Variants in FHIT observed in about 807,000 individuals in gnomAD.
FHIT encodes bis(5'-adenosyl)-triphosphatase.
FHIT carries 19 observed loss-of-function variants against 17.9 expected under a neutral mutation model. The ratio of observed to expected loss-of-function variants is 1.06; its 90% CI spans 0.74 to 1.56. The LOEUF is 1.56. Among genes scored for constraint, FHIT ranks in the 40% most tolerant of loss-of-function variants. The pLI is 0.00. For synonymous variants in FHIT, 81 were observed against 69.7 expected (o/e 1.16, Z -0.81); for missense variants, 248 against 189.2 (o/e 1.31, Z -1.82).
At chr3:59,858,339 G>A (rs940878499) in intron 8 of FHIT, among the ~76,000 whole-genome samples, 1 of 136,534 alleles carries the variant, frequency 7.3e-6, no homozygotes, top group African/African-American at 2.8e-5. Flanking sequence ...TGATTCTCTT[G>A]CCTCAGCCTC....
At chr3:60,932,164 G>T (rs1707987999) in intron 3 of FHIT, among the ~76,000 whole-genome samples, 1 of 152,190 alleles carries the variant, frequency 6.6e-6, no homozygotes, top group African/African-American at 2.4e-5. Flanking sequence ...AAAAACCATT[G>T]TGCTAAGTGC....
intron 5 of FHIT, among the ~76,000 whole-genome samples, chr3:60,174,577 A>G (rs1701581293): frequency 4.6e-5 from 7 of 152,186 alleles, no homozygotes; most frequent in African/African-American, 1.4e-4. Flanking sequence ...GGCCAAAATC[A>G]CATGGCTAAT....
intron 5 of FHIT, among the ~76,000 whole-genome samples, chr3:60,462,131 C>G (rs2032512260): frequency 6.6e-6 from 1 of 152,122 alleles, no homozygotes; most frequent in South Asian, 2.1e-4. Context: ...AGTTATAGCC[C>G]TTGTCTGCCT....
At chr3:60,220,254 C>T (rs1703901737) in intron 5 of FHIT, among the ~76,000 whole-genome samples, 1 of 152,014 alleles carries the variant, frequency 6.6e-6, no homozygotes, top group South Asian at 2.1e-4. Context: ...ATTCAGGTGT[C>T]AAAAATCAGA....
At chr3:61,060,322 T>C (rs1002897166) in intron 2 of FHIT, among the ~76,000 whole-genome samples, 1 of 152,244 alleles carries the variant, frequency 6.6e-6, no homozygotes, top group Non-Finnish European at 1.5e-5. Context: ...CTTTGCTTTA[T>C]GTCCCAGTTT....
In FHIT at chr3:61,022,302, C is replaced by T. The variant is rs755316206; in HGVS notation, c.-111+19745G>A. Among the ~76,000 whole-genome samples the T allele has an allele frequency of 7.2e-5, 11 of 152,252 alleles. No homozygotes were observed. The South Asian group carries it at 1.0e-3, about 14-fold the overall frequency. On this transcript the variant is annotated intron_variant, in intron 3 of 9. Transcript: ENST00000492590. ...TCCCAAGACTAAACCAGGAAGAAGTCGAATCCCTGAAGAGACCAATAACAA... is the reference window on the plus strand; with the variant it reads ...TCCCAAGACTAAACCAGGAAGAAGTTGAATCCCTGAAGAGACCAATAACAA...
At chr3:60,009,951 C>G (rs549010498) in intron 7 of FHIT, among the ~76,000 whole-genome samples, 1 of 152,316 alleles carries the variant, frequency 6.6e-6, no homozygotes, top group East Asian at 1.9e-4. Flanking sequence ...GCTATGCTTA[C>G]TATGCACCTA....
chr3:60,707,966 A>G (rs1553703958), intron 4 of FHIT, among the ~76,000 whole-genome samples: 2 of 152,200 alleles, frequency 1.3e-5, no homozygotes, highest in Admixed American at 1.3e-4. Flanking sequence ...TGAATACGCT[A>G]TAGTTTTCAA....
At chr3:60,249,929 A>G (rs1705608985) in intron 5 of FHIT, among the ~76,000 whole-genome samples, 2 of 152,106 alleles carry the variant, frequency 1.3e-5, no homozygotes, top group Admixed American at 1.3e-4. Context: ...GCCTGTACAG[A>G]GAAACTCCTG....
intron 8 of FHIT, among the ~76,000 whole-genome samples, chr3:59,887,556 G>A (rs1178895565): frequency 6.6e-6 from 1 of 152,202 alleles, no homozygotes; most frequent in African/African-American, 2.4e-5. Context: ...CTAATTAGCA[G>A]TCATAAAAAC....
chr3:60,470,387 G>A (rs1401846345), intron 5 of FHIT, among the ~76,000 whole-genome samples: 1 of 152,016 alleles, frequency 6.6e-6, no homozygotes, highest in Non-Finnish European at 1.5e-5. Context: ...TCTACTTGGT[G>A]CTCTATTCTA....
At chr3:59,845,231 C>A (rs1427671514) in intron 8 of FHIT, among the ~76,000 whole-genome samples, 1 of 151,944 alleles carries the variant, frequency 6.6e-6, no homozygotes, top group African/African-American at 2.4e-5. Context: ...TCAAAAATCA[C>A]TTTTTCCCCT....
intron 9 of FHIT, chr3:59,750,437 C>T (rs894152867): frequency 1.3e-5 from 3 of 224,108 alleles, no homozygotes; most frequent in African/African-American, 6.7e-5. Context: ...ATAAGAGGAA[C>T]AGAAAGAGGT....
intron 5 of FHIT, among the ~76,000 whole-genome samples, chr3:60,141,384 T>TAA (rs34364126): frequency 8.6e-5 from 11 of 128,096 alleles, no homozygotes; most frequent in Admixed American, 1.6e-4. Context: ...TGATGCCCAT[T>TAA]AAAAAAAAAA....
At chr3:60,906,415 T>A (rs970886292) in intron 3 of FHIT, among the ~76,000 whole-genome samples, 2 of 152,238 alleles carry the variant, frequency 1.3e-5, no homozygotes, top group African/African-American at 2.4e-5. Flanking sequence ...TGTCTACTTA[T>A]CTACCTATCT....
At chr3:59,928,642 A>G (rs1705792752) in intron 7 of FHIT, among the ~76,000 whole-genome samples, 1 of 152,250 alleles carries the variant, frequency 6.6e-6, no homozygotes, top group Non-Finnish European at 1.5e-5. Context: ...GATGCTCAAC[A>G]TCCTTAGCCC....
chr3:60,556,637 C>T (rs2036748737), intron 4 of FHIT, among the ~76,000 whole-genome samples: 1 of 152,226 alleles, frequency 6.6e-6, no homozygotes, highest in African/African-American at 2.4e-5. Context: ...AAGCTCTTCT[C>T]AGTACAAGTG....
At chr3:60,262,411 A>C (rs1706349334) in intron 5 of FHIT, among the ~76,000 whole-genome samples, 1 of 152,036 alleles carries the variant, frequency 6.6e-6, no homozygotes, top group East Asian at 1.9e-4. Flanking sequence ...GTGATGGTTA[A>C]CAACCACCCC....
chr3:60,398,631 G>T (rs1349488684), intron 5 of FHIT, among the ~76,000 whole-genome samples: 3 of 152,114 alleles, frequency 2.0e-5, no homozygotes, highest in Admixed American at 6.6e-5. Flanking sequence ...CATCAGTTTT[G>T]CAGAATTGTA....
Sources: allele counts gnomAD v4.1 joint callset (sites outside exome capture counted in the v4.1 genomes callset), GRCh38; gene constraint gnomAD v4.1.1; transcripts MANE v1.5; gene names NCBI Gene and HGNC (gene_info 2026-07-23, HGNC 2026-07-21).